The following CLCN5 variants were observed in gnomAD, a reference collection of about 807,000 sequenced individuals.
CLCN5 encodes the protein H(+)/Cl(-) exchange transporter 5.
Under a neutral mutation model 54.0 loss-of-function variants are expected in CLCN5, and 17 were observed. The observed-to-expected ratio is 0.31, with a 90% CI of 0.22 to 0.47. The LOEUF (loss-of-function observed/expected upper bound fraction) is 0.47. Ranked by LOEUF, CLCN5 falls within the 20% of genes least tolerant of loss-of-function variation. The pLI, the probability that CLCN5 is intolerant of heterozygous loss-of-function variation, is 1.00. For synonymous variants in CLCN5, 222 were observed against 233.0 expected, an observed-to-expected ratio of 0.95 and a Z score of 0.43; for missense variants, 448 against 646.7, an observed-to-expected ratio of 0.69 and a Z score of 3.33.
intron 3 of CLCN5, among the ~76,000 whole-genome samples, chrX:49,944,129 A>G (rs1926547879): frequency 9.0e-6 from 1 of 111,555 alleles, no homozygotes; most frequent in South Asian, 3.8e-4. Context: ...CATCCCTTGT[A>G]AGTTGGATTA....
At chrX:49,932,164 C>A (rs1279447179) in intron 3 of CLCN5, among the ~76,000 whole-genome samples, 9 of 111,843 alleles carry the variant, frequency 8.0e-5, no homozygotes, top group Non-Finnish European at 1.5e-4. Context: ...GATCCACCTG[C>A]CTTGGCCTCC....
intron 3 of CLCN5, among the ~76,000 whole-genome samples, chrX:50,001,260 T>C (rs781789002): frequency 9.0e-6 from 1 of 111,344 alleles, no homozygotes; most frequent in Non-Finnish European, 1.9e-5. Flanking sequence ...CTGTTCTTTG[T>C]ATACTGGAGT....
chrX:50,052,662 G>T (rs782555006), intron 4 of CLCN5, among the ~76,000 whole-genome samples: 1 of 111,151 alleles, frequency 9.0e-6, no homozygotes, highest in African/African-American at 3.3e-5. Context: ...GTGAAACCAT[G>T]GGGGCCTGGT....
At chrX:50,009,577 G>A in intron 3 of CLCN5, 1 of 314,147 alleles carries the variant, frequency 3.2e-6, no homozygotes, top group South Asian at 2.9e-5. Flanking sequence ...GCCTTGTGCA[G>A]GGGGATGAAT....
intron 3 of CLCN5, among the ~76,000 whole-genome samples, chrX:49,928,954 T>G (rs1200139158): frequency 9.0e-6 from 1 of 111,660 alleles, no homozygotes; most frequent in East Asian, 2.8e-4. Flanking sequence ...CTAGCTCAAT[T>G]CCTAGAGGTT....
At chrX:50,031,737 AC>A (rs1361337026) in intron 3 of CLCN5, among the ~76,000 whole-genome samples, 2 of 109,553 alleles carry the variant, frequency 1.8e-5, no homozygotes, top group African/African-American at 6.6e-5. Flanking sequence ...TTATTATTAT[AC>A]TTTAAGTTTT....
At chrX:49,984,103 CAT>C (rs1928872951) in intron 3 of CLCN5, among the ~76,000 whole-genome samples, 1 of 111,488 alleles carries the variant, frequency 9.0e-6, no homozygotes, top group Non-Finnish European at 1.9e-5. Flanking sequence ...TTCTTTCAGA[CAT>C]ATCATATTTG....
chrX:49,966,105 C>T (rs1200998935), intron 3 of CLCN5, among the ~76,000 whole-genome samples: 1 of 110,845 alleles, frequency 9.0e-6, no homozygotes, highest in Non-Finnish European at 1.9e-5. Flanking sequence ...TAATATTGGT[C>T]TCATAGAATG....
chrX:49,944,704 A>G (rs1228890943), intron 3 of CLCN5, among the ~76,000 whole-genome samples: 1 of 110,778 alleles, frequency 9.0e-6, no homozygotes, highest in Non-Finnish European at 1.9e-5. Context: ...GCTGGATTAC[A>G]TTTATTGATT....
At chrX:49,964,096 G>A (rs1927731658) in intron 3 of CLCN5, among the ~76,000 whole-genome samples, 1 of 112,203 alleles carries the variant, frequency 8.9e-6, no homozygotes, top group African/African-American at 3.2e-5. Context: ...AATGTCAAAC[G>A]ATGTCGAGAA....
intron 3 of CLCN5, among the ~76,000 whole-genome samples, chrX:49,951,060 C>G (rs1557172931): frequency 8.9e-6 from 1 of 111,755 alleles, no homozygotes; most frequent in Non-Finnish European, 1.9e-5. Context: ...CTGGTAACCA[C>G]CCTTTTACTA....
At chrX:50,015,856 C>G (rs1260663720) in intron 3 of CLCN5, among the ~76,000 whole-genome samples, 1 of 111,533 alleles carries the variant, frequency 9.0e-6, no homozygotes, top group South Asian at 3.8e-4. Flanking sequence ...GAAAGAGACA[C>G]ACACTCCATT....
chrX:50,030,130 A>G (rs1931621207), intron 3 of CLCN5, among the ~76,000 whole-genome samples: 1 of 112,135 alleles, frequency 8.9e-6, no homozygotes, highest in African/African-American at 3.2e-5. Context: ...CTGTCAAGTT[A>G]TATAAAAGAT....
chrX:50,088,353 T>C, intron 11 of CLCN5: 1 of 234,192 alleles, frequency 4.3e-6, no homozygotes, highest in Middle Eastern at 1.4e-3. Flanking sequence ...GAATTCAAAA[T>C]TGGTGGAAAT....
At chrX:50,005,130 T>G (rs898073995) in intron 3 of CLCN5, among the ~76,000 whole-genome samples, 4 of 111,798 alleles carry the variant, frequency 3.6e-5, no homozygotes, top group African/African-American at 9.7e-5. Context: ...GGGCCATTCA[T>G]CCTATACAGT....
chrX:50,007,504 C>T (rs1930261980), intron 3 of CLCN5, among the ~76,000 whole-genome samples: 1 of 105,241 alleles, frequency 9.5e-6, no homozygotes, highest in South Asian at 4.6e-4. Context: ...TGTTTTCCTT[C>T]ATATCCCTTA....
At chrX:49,966,595 T>TTTA in intron 3 of CLCN5, among the ~76,000 whole-genome samples, 1 of 13,987 alleles carries the variant, frequency 7.1e-5, no homozygotes, top group Non-Finnish European at 1.4e-4. Flanking sequence ...TGATCTTTTT[T>TTTA]TTTTTTTTTT....
At chrX:50,017,766 C>G (rs1557183773) in intron 3 of CLCN5, among the ~76,000 whole-genome samples, 2 of 110,812 alleles carry the variant, frequency 1.8e-5, no homozygotes, top group Non-Finnish European at 3.8e-5. Context: ...ATTGCCTTTG[C>G]TCATTTGTCA....
At chrX:50,017,039 A>G (rs1182546894) in intron 3 of CLCN5, among the ~76,000 whole-genome samples, 1 of 111,762 alleles carries the variant, frequency 8.9e-6, no homozygotes, top group East Asian at 2.8e-4. Flanking sequence ...ACTGAAGGGC[A>G]GCTTGGTTCC....
Sources: allele counts gnomAD v4.1 joint callset (sites outside exome capture counted in the v4.1 genomes callset), GRCh38; gene constraint gnomAD v4.1.1; transcripts MANE v1.5; gene names NCBI Gene and HGNC (gene_info 2026-07-23, HGNC 2026-07-21).